The following ZFHX3 variants were observed in gnomAD, a reference collection of about 807,000 sequenced individuals.
ZFHX3 encodes zinc finger homeobox protein 3.
ZFHX3 carries 42 observed loss-of-function variants against 279.1 expected under a neutral mutation model. The ratio of observed to expected loss-of-function variants is 0.15; its 90% CI spans 0.12 to 0.19. The LOEUF is 0.19. Ranked by LOEUF, ZFHX3 falls within the 10% of genes least tolerant of loss-of-function variation. The pLI, the probability that ZFHX3 is intolerant of heterozygous loss-of-function variation, is 1.00. For synonymous variants in ZFHX3, 2,293 were observed against 1,957.8 expected (o/e 1.17, Z -4.52); for missense variants, 4,981 against 4,754.0 (o/e 1.05, Z -1.40).
At chr16:73,431,370 T>C (rs1199397366) in intron 3 of ZFHX3, among the ~76,000 whole-genome samples, 1 of 151,980 alleles carries the variant, frequency 6.6e-6, no homozygotes. Context: ...TAAAACCCCA[T>C]CTCTACTAAA....
chr16:73,887,330 A>C (rs141287829), intron 1 of ZFHX3, among the ~76,000 whole-genome samples: 1 of 152,172 alleles, frequency 6.6e-6, no homozygotes, highest in Non-Finnish European at 1.5e-5. Context: ...TAGTATGGTG[A>C]CCATTCTAAA....
At chr16:73,513,341 A>G (rs1023893694) in intron 2 of ZFHX3, among the ~76,000 whole-genome samples, 1 of 152,188 alleles carries the variant, frequency 6.6e-6, no homozygotes, top group South Asian at 2.1e-4. Flanking sequence ...TATGGTAGGA[A>G]TATTCAGGAT....
intron 2 of ZFHX3, among the ~76,000 whole-genome samples, chr16:73,525,237 T>C (rs1268602908): frequency 6.6e-6 from 1 of 152,158 alleles, no homozygotes. Flanking sequence ...TACTGATCAC[T>C]AAGTCATGTC....
intron 3 of ZFHX3, among the ~76,000 whole-genome samples, chr16:73,454,639 C>T (rs1035495254): frequency 4.6e-5 from 7 of 151,578 alleles, no homozygotes; most frequent in Non-Finnish European, 8.8e-5. Flanking sequence ...ACTCCCCAGT[C>T]CATTCTAAGT....
At chr16:72,926,062 G>C (rs1193409180) in intron 3 of ZFHX3, among the ~76,000 whole-genome samples, 1 of 152,156 alleles carries the variant, frequency 6.6e-6, no homozygotes, top group Non-Finnish European at 1.5e-5. Context: ...AAAAAGCACA[G>C]GCCTCCCTTT....
chr16:72,906,559 G>T (rs1010940012), intron 3 of ZFHX3, among the ~76,000 whole-genome samples: 2 of 152,148 alleles, frequency 1.3e-5, no homozygotes, highest in African/African-American at 4.8e-5. Flanking sequence ...CACTATGGGA[G>T]GCCGAGGCAG....
intron 5 of ZFHX3, among the ~76,000 whole-genome samples, chr16:73,234,744 C>T (rs2012888413): frequency 6.6e-6 from 1 of 152,152 alleles, no homozygotes; most frequent in Admixed American, 6.5e-5. Context: ...TGTTGTCTAC[C>T]AGATGTTTCT....
At chr16:73,208,805 T>C (rs1413293282) in intron 5 of ZFHX3, among the ~76,000 whole-genome samples, 1 of 152,192 alleles carries the variant, frequency 6.6e-6, no homozygotes, top group Non-Finnish European at 1.5e-5. Context: ...GGAAAGAAAA[T>C]GTTATTTTGC....
chr16:73,620,882 T>G lies in ZFHX3; in HGVS notation c.-1547+59298A>C, dbSNP rs1032639472. Among the ~76,000 whole-genome samples, 5 of 152,098 alleles carry G rather than the reference T, an allele frequency of 3.3e-5. No homozygotes were observed. The South Asian group carries it at 8.3e-4, about 25-fold the overall frequency. ...AGCAGAAGAGAAAAGGACCAGATCTTTGGGTGAGAGAAAAGGACCAGATCT... is the reference window on the plus strand; with the variant it reads ...AGCAGAAGAGAAAAGGACCAGATCTGTGGGTGAGAGAAAAGGACCAGATCT... On this transcript the variant is annotated intron_variant, in intron 2 of 17. Transcript: ENST00000641206.
intron 1 of ZFHX3, among the ~76,000 whole-genome samples, chr16:72,985,011 C>A (rs1353611068): frequency 6.6e-6 from 1 of 152,076 alleles, no homozygotes; most frequent in East Asian, 1.9e-4. Context: ...AAAGCCAACA[C>A]ACACGTACCC....
chr16:73,448,519 AG>A (rs2018226044), intron 3 of ZFHX3, among the ~76,000 whole-genome samples: 1 of 152,174 alleles, frequency 6.6e-6, no homozygotes, highest in Admixed American at 6.5e-5. Flanking sequence ...TACAGGGCAA[AG>A]GCTTGAGAAA....
chr16:73,786,090 C>G (rs778977199), intron 1 of ZFHX3, among the ~76,000 whole-genome samples: 25 of 152,148 alleles, frequency 1.6e-4, no homozygotes, highest in Middle Eastern at 3.4e-3. Context: ...AGGCTGGTCT[C>G]GAACTCCCGA....
intron 1 of ZFHX3, among the ~76,000 whole-genome samples, chr16:73,883,483 G>A (rs570454018): frequency 4.8e-4 from 73 of 151,076 alleles, no homozygotes; most frequent in African/African-American, 1.5e-3. Flanking sequence ...TCACACACAC[G>A]CACAATGCAA....
intron 1 of ZFHX3, among the ~76,000 whole-genome samples, chr16:73,683,044 TAAC>T (rs1462576695): frequency 3.1e-4 from 46 of 150,738 alleles, no homozygotes; most frequent in South Asian, 4.2e-4. Context: ...AGGAAGGAAA[TAAC>T]AATTGCATGA....
In ZFHX3 at chr16:73,678,609, T is replaced by C. The variant is rs150342106; in HGVS notation, c.-1547+1571A>G. 4.0e-3 allele frequency among the ~76,000 whole-genome samples: 603 copies of C among 152,266 alleles called. 3 individuals carry two copies. The highest frequency in any genetic ancestry group is 5.0e-3 in the Non-Finnish European group (343 of 68,006). On this transcript the variant is annotated intron_variant, in intron 2 of 17. Transcript: ENST00000641206. ...ACAACATTGAAATTTATTTAAAATA[T>C]ATGTAACAGAAACCTGAGCTATGTG...
intron 2 of ZFHX3, among the ~76,000 whole-genome samples, chr16:73,474,044 G>C (rs1322395118): frequency 6.6e-6 from 1 of 152,148 alleles, no homozygotes; most frequent in Admixed American, 6.5e-5. Flanking sequence ...GTCTTCCCAG[G>C]ACACTGTCTG....
chr16:73,125,883 T>C lies in ZFHX3; in HGVS notation c.-897+5085A>G, dbSNP rs1966561234. Among the ~76,000 whole-genome samples the C allele has an allele frequency of 1.3e-5, 2 of 152,084 alleles. 1 individual carries two copies. The highest frequency in any genetic ancestry group is 4.1e-4 in the South Asian group (2 of 4,826). On this transcript the variant is annotated intron_variant, in intron 7 of 17. Transcript: ENST00000641206. The stretch of plus-strand genomic sequence containing the variant: ...GTCCCTCTAGAGAACCCTAATACCG[T>C]ACCATTATTATCCCACTTCACAGAT...
intron 4 of ZFHX3, among the ~76,000 whole-genome samples, chr16:72,887,203 G>C (rs2038647956): frequency 6.6e-6 from 1 of 152,188 alleles, no homozygotes; most frequent in Non-Finnish European, 1.5e-5. Flanking sequence ...TGGGCAGAGG[G>C]CTTTGGAGGG....
At chr16:73,728,507 GGCTAATGGTA>G (rs1283543219) in intron 1 of ZFHX3, among the ~76,000 whole-genome samples, 1 of 152,104 alleles carries the variant, frequency 6.6e-6, no homozygotes, top group Non-Finnish European at 1.5e-5. Context: ...GCTGTTCTAG[GGCTAATGGTA>G]GCTGACATAA....
Sources: gnomAD v4.1 joint callset for allele counts (sites outside exome capture counted in the v4.1 genomes callset) on GRCh38, gnomAD v4.1.1 for gene constraint, MANE v1.5 for transcripts, NCBI Gene and HGNC (gene_info 2026-07-23, HGNC 2026-07-21) for gene names.